FRMD4A: variants seen among roughly 807,000 people sequenced by gnomAD.
FRMD4A encodes FERM domain-containing protein 4A.
Under a neutral mutation model 129.1 loss-of-function variants are expected in FRMD4A, and 29 were observed. That is an observed-to-expected ratio of 0.22 (90% CI 0.17 to 0.31). The LOEUF (loss-of-function observed/expected upper bound fraction) is 0.31, where lower values mean the gene tolerates loss of function less well. Ranked by LOEUF, FRMD4A falls within the 10% of genes least tolerant of loss-of-function variation. FRMD4A has a pLI of 1.00. For synonymous variants in FRMD4A, 634 were observed against 571.6 expected, an observed-to-expected ratio of 1.11 and a Z score of -1.56; for missense variants, 1,272 against 1,375.8, an observed-to-expected ratio of 0.92 and a Z score of 1.19.
intron 2 of FRMD4A, among the ~76,000 whole-genome samples, chr10:14,062,906 T>C (rs772763930): frequency 2.6e-5 from 4 of 152,208 alleles, no homozygotes; most frequent in African/African-American, 4.8e-5. Flanking sequence ...ACAGTGTCCA[T>C]TAATCCACAC....
At chr10:13,921,226 T>G (rs377131103) in intron 2 of FRMD4A, among the ~76,000 whole-genome samples, 3 of 21,362 alleles carry the variant, frequency 1.4e-4, no homozygotes, top group Admixed American at 4.2e-4. Context: ...CTTTCTTTCT[T>G]TCTCTCTCTT....
intron 2 of FRMD4A, among the ~76,000 whole-genome samples, chr10:13,912,574 G>A (rs1220481515): frequency 1.4e-5 from 2 of 143,824 alleles, no homozygotes; most frequent in African/African-American, 5.2e-5. Flanking sequence ...TGTCGCCCAG[G>A]CTAGAGTGCA....
intron 12 of FRMD4A, chr10:13,707,647 T>C: frequency 6.1e-6 from 6 of 988,044 alleles, no homozygotes; most frequent in Non-Finnish European, 7.2e-6. Context: ...TCCTGCTCAC[T>C]AATGTGTAAG....
intron 2 of FRMD4A, among the ~76,000 whole-genome samples, chr10:13,943,414 C>A (rs1247414612): frequency 6.6e-6 from 1 of 151,924 alleles, no homozygotes; most frequent in African/African-American, 2.4e-5. Flanking sequence ...CTTTGGGAGG[C>A]TGAGGTGGAT....
chr10:14,254,893 A>C (rs540413410), intron 2 of FRMD4A, among the ~76,000 whole-genome samples: 1 of 152,134 alleles, frequency 6.6e-6, no homozygotes, highest in Non-Finnish European at 1.5e-5. Flanking sequence ...TCCTCTTTCC[A>C]TAAAGTCTTC....
chr10:13,888,269 T>C (rs939641633), intron 2 of FRMD4A, among the ~76,000 whole-genome samples: 7 of 152,240 alleles, frequency 4.6e-5, no homozygotes, highest in Admixed American at 2.6e-4. Context: ...ACTCTGATTT[T>C]GCTATTGGAG....
intron 3 of FRMD4A, among the ~76,000 whole-genome samples, chr10:13,811,117 T>G (rs1262559668): frequency 6.6e-6 from 1 of 151,754 alleles, no homozygotes; most frequent in East Asian, 1.9e-4. Context: ...AGAGACCTTC[T>G]GTTTTGTTTC....
chr10:14,156,650 T>C (rs567500603), intron 2 of FRMD4A, among the ~76,000 whole-genome samples: 22 of 152,340 alleles, frequency 1.4e-4, no homozygotes, highest in African/African-American at 5.0e-4. Context: ...CGTGGGTTTA[T>C]ACCCTTCGTA....
intron 2 of FRMD4A, among the ~76,000 whole-genome samples, chr10:14,027,125 G>A (rs554434614): frequency 6.6e-6 from 1 of 152,230 alleles, no homozygotes; most frequent in South Asian, 2.1e-4. Flanking sequence ...CTTTCCTTAT[G>A]AATTAAATTT....
rs556324270 is a variant in FRMD4A at position 14,235,350 on chromosome 10, A to G, written c.45+94708T>C. Among the ~76,000 whole-genome samples the G allele has an allele frequency of 6.7e-5, 10 of 150,066 alleles. No individual in the cohort carries two copies. The East Asian group carries it at 1.4e-3, about 21-fold the overall frequency. ...TTTTTAGTAGAGACGGGGTTTCACC[A>G]TGTTAGCCAGTATGGTCTCGATCTC... On this transcript the variant is annotated intron_variant, in intron 2 of 24. Transcript: ENST00000357447.
chr10:13,977,935 CA>C (rs1233220651), intron 2 of FRMD4A, among the ~76,000 whole-genome samples: 2 of 152,198 alleles, frequency 1.3e-5, no homozygotes, highest in Non-Finnish European at 2.9e-5. Flanking sequence ...TGGCTACTAT[CA>C]ATGATGCTGC....
intron 2 of FRMD4A, among the ~76,000 whole-genome samples, chr10:13,991,229 C>T (rs1295488983): frequency 6.6e-6 from 1 of 152,104 alleles, no homozygotes; most frequent in East Asian, 1.9e-4. Flanking sequence ...AAAAAAGAAG[C>T]GTAGAGTGAA....
Position 14,027,507 on chromosome 10 carries a change from T to G in FRMD4A, c.46-168595A>C, listed in dbSNP as rs547963276. Among the ~76,000 whole-genome samples, 8 of 152,254 alleles carry G rather than the reference T, an allele frequency of 5.3e-5. No individual in the cohort carries two copies. In the East Asian group the frequency reaches 1.5e-3, roughly 29 times the overall value. On this transcript the variant is annotated intron_variant, in intron 2 of 24. Coordinates refer to ENST00000357447, the MANE Select transcript of FRMD4A (RefSeq NM_018027.5). ...GGCATGTGCCTGTAATCCCAGCTAC[T>G]CGGGAGGCTGAGACAGGAGAATTGC... is the stretch of plus-strand genomic sequence containing the variant.
chr10:13,656,751 C>T lies in FRMD4A; in HGVS notation c.2838G>A (p.Ser946=). The T allele has an allele frequency of 1.9e-6, 3 of 1,597,964 alleles. No homozygotes were observed. Among genetic ancestry groups the T allele is most frequent in the African/African-American group, 1.4e-5 (1 of 73,636 alleles). Residue 946 remains serine, a synonymous_variant, in exon 22 of 25, where the codon TCG becomes TCA. Transcript: ENST00000357447. Reference sequence around the variant, plus strand: ...TGTCCGAGGAGGTGGAGCTGGTGTGCGACAGGCGGCTGTGCTCCTTGTGCG... The same window carrying T: ...TGTCCGAGGAGGTGGAGCTGGTGTGTGACAGGCGGCTGTGCTCCTTGTGCG... The part of the protein sequence containing the change: ...TASHKEHSRL[S]HTSSTSSDSG...
intron 2 of FRMD4A, among the ~76,000 whole-genome samples, chr10:14,155,548 TCA>T (rs1840554511): frequency 6.6e-6 from 1 of 152,154 alleles, no homozygotes; most frequent in African/African-American, 2.4e-5. Flanking sequence ...TTGTTTTCAG[TCA>T]CAGAGTCTAG....
intron 2 of FRMD4A, among the ~76,000 whole-genome samples, chr10:13,931,172 A>C (rs145914717): frequency 6.6e-6 from 1 of 152,208 alleles, no homozygotes; most frequent in Non-Finnish European, 1.5e-5. Flanking sequence ...AGAGGAGATT[A>C]GAGATGGTTT....
At chr10:13,768,191 A>C (rs1051839959) in intron 6 of FRMD4A, among the ~76,000 whole-genome samples, 2 of 152,020 alleles carry the variant, frequency 1.3e-5, no homozygotes, top group Admixed American at 6.6e-5. Flanking sequence ...CTGCCGAAGG[A>C]AGAGGCCTGA....
intron 2 of FRMD4A, among the ~76,000 whole-genome samples, chr10:14,163,898 G>A (rs764644352): frequency 6.6e-5 from 10 of 152,164 alleles, no homozygotes; most frequent in Non-Finnish European, 1.3e-4. Flanking sequence ...GGGCCTCTCC[G>A]AGGTCTTTTT....
At chr10:14,190,439 A>G (rs1842282252) in intron 2 of FRMD4A, among the ~76,000 whole-genome samples, 1 of 152,110 alleles carries the variant, frequency 6.6e-6, no homozygotes, top group Admixed American at 6.5e-5. Flanking sequence ...TGGTGCCATC[A>G]TAGCTCACTG....
Sources: allele counts gnomAD v4.1 joint callset (sites outside exome capture counted in the v4.1 genomes callset), GRCh38; gene constraint gnomAD v4.1.1; transcripts MANE v1.5; gene names NCBI Gene and HGNC (gene_info 2026-07-23, HGNC 2026-07-21).